The following LARP1B variants were observed in gnomAD, a reference collection of about 807,000 sequenced individuals.
LARP1B encodes La ribonucleoprotein 1B.
In LARP1B, 76 loss-of-function variants were observed where a neutral mutation model predicts 114.2. The observed-to-expected ratio is 0.67, with a 90% CI of 0.55 to 0.81. The LOEUF (loss-of-function observed/expected upper bound fraction) is 0.81. LARP1B is among the 30% of genes least tolerant of loss of function. LARP1B has a pLI of 0.00. For synonymous variants in LARP1B, 345 were observed against 348.0 expected (o/e 0.99, Z 0.10); for missense variants, 1,014 against 1,075.8 (o/e 0.94, Z 0.80).
rs1561012799 is a variant in LARP1B, at chr4:128,065,325, CTCTCT to C, written c.-78+3925_-78+3929del. Among the ~76,000 whole-genome samples, 90 of 125,722 alleles carry C rather than the reference CTCTCT, an allele frequency of 7.2e-4. 1 individual carries two copies. The South Asian group carries it at 7.6e-3, about 11-fold the overall frequency. 82.5% of individuals were successfully genotyped at this position (125,722 alleles called of 152,430 possible). On this transcript the variant is annotated intron_variant, in intron 1 of 19. Coordinates refer to ENST00000326639, the MANE Select transcript of LARP1B (RefSeq NM_018078.4). ...TCTTTCTTTCTTTCTTTCTCTCTCT[CTCTCT>C]CTTTCCTTTCTTTTCTTTTCTTTTC...
At chr4:128,157,265 G>C (rs1331661255) in intron 11 of LARP1B, among the ~76,000 whole-genome samples, 2 of 152,114 alleles carry the variant, frequency 1.3e-5, no homozygotes, top group African/African-American at 4.8e-5. Flanking sequence ...TAGTAGATCA[G>C]GACAGTGAAG....
intron 8 of LARP1B, among the ~76,000 whole-genome samples, chr4:128,103,184 GT>G (rs1780876392): frequency 6.6e-6 from 1 of 152,018 alleles, no homozygotes; most frequent in African/African-American, 2.4e-5. Context: ...ATAACTCGAT[GT>G]TTCTTCTAGG....
chr4:128,097,451 G>A (rs1006252095), intron 7 of LARP1B, among the ~76,000 whole-genome samples: 3 of 152,062 alleles, frequency 2.0e-5, no homozygotes, highest in African/African-American at 4.8e-5. Context: ...GGGATTACAG[G>A]CATGCGCTAC....
chr4:128,157,528 A>G (rs1186321706), intron 11 of LARP1B, among the ~76,000 whole-genome samples: 4 of 152,206 alleles, frequency 2.6e-5, no homozygotes, highest in Non-Finnish European at 5.9e-5. Context: ...AGATAAATAC[A>G]GAGAAAACCT....
intron 1 of LARP1B, among the ~76,000 whole-genome samples, chr4:128,070,071 C>T (rs1764614678): frequency 6.6e-6 from 1 of 152,180 alleles, no homozygotes; most frequent in Admixed American, 6.6e-5. Flanking sequence ...GTAATCCCAG[C>T]ACTTTGGGAG....
intron 5 of LARP1B, among the ~76,000 whole-genome samples, chr4:128,084,968 A>C (rs1459649003): frequency 6.6e-6 from 1 of 151,800 alleles, no homozygotes; most frequent in Non-Finnish European, 1.5e-5. Flanking sequence ...GGTTCAAGCA[A>C]TTCTTCTGTT....
intron 1 of LARP1B, chr4:128,069,294 G>T: frequency 1.2e-6 from 1 of 864,028 alleles, no homozygotes; most frequent in Non-Finnish European, 2.0e-6. Flanking sequence ...GACTTTTAGA[G>T]CCCCACAGTG....
intron 7 of LARP1B, chr4:128,092,828 CA>C (rs1270227646): frequency 1.0e-6 from 1 of 985,296 alleles, no homozygotes; most frequent in East Asian, 1.1e-4. Flanking sequence ...AAGTGCTTGA[CA>C]TGTGGCTGTC....
chr4:128,121,377 G>A (rs552101353), intron 10 of LARP1B, among the ~76,000 whole-genome samples: 1 of 152,212 alleles, frequency 6.6e-6, no homozygotes, highest in East Asian at 1.9e-4. Context: ...TAGCGCAATG[G>A]CGCGATCTTG....
intron 11 of LARP1B, chr4:128,155,381 C>A (rs1188476068): frequency 1.7e-6 from 1 of 592,494 alleles, no homozygotes; most frequent in Non-Finnish European, 3.0e-6. Flanking sequence ...GAGCCGCCAG[C>A]CCGGGGCATG....
At chr4:128,186,820 G>A (rs557281216) in intron 15 of LARP1B, among the ~76,000 whole-genome samples, 2 of 152,316 alleles carry the variant, frequency 1.3e-5, no homozygotes, top group East Asian at 3.9e-4. Context: ...ACAGAATGGG[G>A]CCCTGTGCAA....
intron 9 of LARP1B, among the ~76,000 whole-genome samples, chr4:128,110,481 G>A (rs1239706211): frequency 6.7e-6 from 1 of 149,778 alleles, no homozygotes; most frequent in Non-Finnish European, 1.5e-5. Context: ...AGACCATCCC[G>A]GCTAAAAAAA....
chr4:128,108,528 C>T (rs958399180), intron 9 of LARP1B: 4 of 985,258 alleles, frequency 4.1e-6, no homozygotes, highest in Non-Finnish European at 4.8e-6. Flanking sequence ...AACAAAGCAT[C>T]GATGATGGAC....
At chr4:128,063,630 T>C (rs974585071) in intron 1 of LARP1B, among the ~76,000 whole-genome samples, 4 of 150,084 alleles carry the variant, frequency 2.7e-5, no homozygotes, top group Non-Finnish European at 1.5e-5. Flanking sequence ...AAATACAAAA[T>C]TAACCTGGCG....
chr4:128,085,512 C>T (rs868304492), intron 5 of LARP1B, among the ~76,000 whole-genome samples: 3 of 151,740 alleles, frequency 2.0e-5, no homozygotes, highest in Non-Finnish European at 2.9e-5. Context: ...ATGACAGGTG[C>T]GTGCCACCAT....
At chr4:128,078,087 A>G (rs2149421149) in intron 4 of LARP1B, 125 bp downstream of exon 4, 1 of 619,356 alleles carries the variant, frequency 1.6e-6, no homozygotes, top group East Asian at 3.1e-5. Flanking sequence ...AGGATAAACA[A>G]TCTGCAGAGG....
At chr4:128,220,988 T>C (rs538984757) in intron 7 of LARP1B, among the ~76,000 whole-genome samples, 2 of 152,342 alleles carry the variant, frequency 1.3e-5, no homozygotes, top group East Asian at 1.9e-4. Context: ...CAGCGTGAAA[T>C]AGAACACAGA....
chr4:128,069,501 A>T (rs1264920973), intron 1 of LARP1B: 6 of 751,038 alleles, frequency 8.0e-6, no homozygotes, highest in Non-Finnish European at 1.5e-5. Flanking sequence ...ATCAAGCCAG[A>T]TGGGGTGGGG....
In LARP1B at chr4:128,152,318, C is replaced by T. The variant is rs565891032; in HGVS notation, c.1525-9876C>T. Among the ~76,000 whole-genome samples, 18 of 151,478 alleles carry T rather than the reference C, an allele frequency of 1.2e-4. 1 individual carries two copies. The East Asian group carries it at 3.3e-3, about 28-fold the overall frequency. On this transcript the variant is annotated intron_variant, in intron 11 of 19. Coordinates refer to ENST00000326639, the MANE Select transcript of LARP1B (RefSeq NM_018078.4). The stretch of plus-strand genomic sequence containing the variant: ...TCCCGGGTTCAAGCGATTCTCCTGC[C>T]TTAGCCTCCCGAGTAGCTTGGACTA...
Sources: allele counts gnomAD v4.1 joint callset (sites outside exome capture counted in the v4.1 genomes callset), GRCh38; gene constraint gnomAD v4.1.1; transcripts MANE v1.5; gene names NCBI Gene and HGNC (gene_info 2026-07-23, HGNC 2026-07-21).